Variants in SIPA1L1 observed in about 807,000 individuals in gnomAD.
SIPA1L1 encodes the protein signal-induced proliferation-associated 1-like protein 1.
In SIPA1L1, 26 loss-of-function variants were observed where a neutral mutation model predicts 162.7. That is an observed-to-expected ratio of 0.16 (90% confidence interval 0.12 to 0.22). The LOEUF (loss-of-function observed/expected upper bound fraction) is 0.22, where lower values mean the gene tolerates loss of function less well. Ranked by LOEUF, SIPA1L1 falls within the 10% of genes least tolerant of loss-of-function variation. SIPA1L1 has a pLI of 1.00. For missense variants in SIPA1L1, 1,874 were observed against 2,241.0 expected (o/e 0.84, Z 3.31); for synonymous variants, 829 against 837.4 (o/e 0.99, Z 0.17).
intron 2 of SIPA1L1, among the ~76,000 whole-genome samples, chr14:71,366,536 C>G (rs2038312706): frequency 6.6e-6 from 1 of 152,134 alleles, no homozygotes; most frequent in Non-Finnish European, 1.5e-5. Flanking sequence ...TGGGTTCACA[C>G]CATTCTCCTG....
chr14:71,415,742 G>A (rs1595344522), intron 2 of SIPA1L1, among the ~76,000 whole-genome samples: 2 of 151,368 alleles, frequency 1.3e-5, no homozygotes, highest in South Asian at 2.1e-4. Context: ...CTGTCTCCCA[G>A]ACTGGAGTGC....
At chr14:71,375,966 A>G (rs1371585635) in intron 2 of SIPA1L1, among the ~76,000 whole-genome samples, 1 of 152,150 alleles carries the variant, frequency 6.6e-6, no homozygotes, top group Non-Finnish European at 1.5e-5. Context: ...TTAATTTGCT[A>G]AAATTTTGTT....
intron 2 of SIPA1L1, among the ~76,000 whole-genome samples, chr14:71,495,886 C>CAAAAAAAAAAAAAAAAAAAAAAA (rs61183823): frequency 2.6e-5 from 1 of 38,006 alleles, no homozygotes; most frequent in Non-Finnish European, 5.3e-5. Context: ...TCCATCTCTA[C>CAAAAAAAAAAAAAAAAAAAAAAA]AAAAAAAAAA....
rs36530 is a variant in SIPA1L1 at position 71,469,766 on chromosome 14, G to A, written c.-464-42977G>A. On this transcript the variant is annotated intron_variant, in intron 2 of 23. Transcript: ENST00000381232. ...CAGTGTTTATGAGGAGTAAAGTGAC[G>A]TTTGTGGAAAAACTATTTTGTTGCT... Among the ~76,000 whole-genome samples, 494 of 152,276 alleles carry A rather than the reference G, an allele frequency of 3.2e-3. 16 individuals carry two copies. The East Asian group carries it at 0.08, about 25-fold the overall frequency.
intron 2 of SIPA1L1, among the ~76,000 whole-genome samples, chr14:71,436,841 T>C (rs1279926835): frequency 6.7e-6 from 1 of 149,720 alleles, no homozygotes; most frequent in Non-Finnish European, 1.5e-5. Flanking sequence ...CTCGGCTCAC[T>C]GCAACCTCTA....
intron 2 of SIPA1L1, among the ~76,000 whole-genome samples, chr14:71,357,256 GT>G (rs112570629): frequency 6.6e-6 from 1 of 151,442 alleles, no homozygotes; most frequent in African/African-American, 2.4e-5. Context: ...TTTATCTGAA[GT>G]TTTTTTTTGT....
chr14:71,614,952 TG>T (rs2038664037), intron 5 of SIPA1L1, among the ~76,000 whole-genome samples: 1 of 152,182 alleles, frequency 6.6e-6, no homozygotes, highest in Admixed American at 6.5e-5. Context: ...ATTTTTGTAA[TG>T]TTTCTATTTT....
chr14:71,439,846 G>A (rs1350793386), intron 2 of SIPA1L1, among the ~76,000 whole-genome samples: 1 of 152,152 alleles, frequency 6.6e-6, no homozygotes, highest in Non-Finnish European at 1.5e-5. Context: ...GGTCTTAGAG[G>A]TGATGAATCA....
intron 2 of SIPA1L1, among the ~76,000 whole-genome samples, chr14:71,464,883 G>A (rs564137447): frequency 4.6e-5 from 7 of 152,242 alleles, no homozygotes; most frequent in East Asian, 1.9e-4. Context: ...CTAGGGGCCC[G>A]CCGGGACTTT....
chr14:71,709,002 T>C (rs2082675211), intron 16 of SIPA1L1, among the ~76,000 whole-genome samples: 1 of 150,934 alleles, frequency 6.6e-6, no homozygotes, highest in South Asian at 2.1e-4. Context: ...TAATGAAAAA[T>C]AGATTAAAAA....
chr14:71,654,979 A>G (rs191882010), intron 8 of SIPA1L1, among the ~76,000 whole-genome samples: 3 of 152,170 alleles, frequency 2.0e-5, no homozygotes, highest in Non-Finnish European at 4.4e-5. Flanking sequence ...TCGGGAGGAC[A>G]TGTCCAGGTT....
intron 2 of SIPA1L1, among the ~76,000 whole-genome samples, chr14:71,375,151 G>T (rs2039259379): frequency 6.6e-6 from 1 of 152,132 alleles, no homozygotes; most frequent in Admixed American, 6.5e-5. Flanking sequence ...TCTGTGTCCT[G>T]TTGGTTCTGA....
intron 4 of SIPA1L1, among the ~76,000 whole-genome samples, chr14:71,542,420 C>T (rs925913868): frequency 1.4e-4 from 21 of 150,856 alleles, no homozygotes; most frequent in Non-Finnish European, 4.4e-5. Flanking sequence ...TCTGCTTCTT[C>T]TTCCTGCTGC....
At chr14:71,633,140 ATGTTATGTTATGTTATGTTCTGTTC>A (rs1288677588) in intron 7 of SIPA1L1, among the ~76,000 whole-genome samples, 14 of 140,424 alleles carry the variant, frequency 1.0e-4, no homozygotes, top group South Asian at 2.4e-4. Flanking sequence ...ATGTTATGTT[ATGTTATGTTATGTTATGTTCTGTTC>A]TGTTCTGTTC....
At chr14:71,672,084 T>G (rs2044591449) in intron 11 of SIPA1L1, among the ~76,000 whole-genome samples, 1 of 152,194 alleles carries the variant, frequency 6.6e-6, no homozygotes, top group African/African-American at 2.4e-5. Context: ...AGTATATGGT[T>G]TCTATTTACT....
chr14:71,451,071 G>A (rs1006365755), intron 2 of SIPA1L1, among the ~76,000 whole-genome samples: 3 of 152,038 alleles, frequency 2.0e-5, no homozygotes, highest in African/African-American at 7.2e-5. Context: ...CTGTATAGCC[G>A]TAAAAAAGAA....
intron 2 of SIPA1L1, among the ~76,000 whole-genome samples, chr14:71,370,196 T>C: frequency 6.7e-6 from 1 of 148,690 alleles, no homozygotes; most frequent in East Asian, 1.9e-4. Flanking sequence ...CTTCCAACAC[T>C]ATGTTGAATA....
intron 2 of SIPA1L1, among the ~76,000 whole-genome samples, chr14:71,470,264 G>C (rs1331742093): frequency 6.6e-6 from 1 of 152,154 alleles, no homozygotes; most frequent in Non-Finnish European, 1.5e-5. Flanking sequence ...ATTTATAGTA[G>C]ATCCTGATAC....
At position 71,450,325 on chromosome 14, in the gene SIPA1L1, T is replaced by C. The variant is rs187868552; in HGVS notation, c.-464-62418T>C. 5.6e-3 allele frequency among the ~76,000 whole-genome samples: 857 copies of C among 152,336 alleles called. 1 individual carries two copies. Among genetic ancestry groups the C allele is most frequent in the Non-Finnish European group, 9.0e-3 (612 of 68,012 alleles). On this transcript the variant is annotated intron_variant, in intron 2 of 23. Transcript: ENST00000381232. ...ATTTACTTCCTAAGGTGTCAGTTTA[T>C]AGCTCGATAGTGTGTTCTCTAAGAC...
Sources: gnomAD v4.1 joint callset for allele counts (sites outside exome capture counted in the v4.1 genomes callset) on GRCh38, gnomAD v4.1.1 for gene constraint, MANE v1.5 for transcripts, NCBI Gene and HGNC (gene_info 2026-07-23, HGNC 2026-07-21) for gene names.